The following ZNF714 variants were observed in gnomAD, a reference collection of about 807,000 sequenced individuals.
ZNF714 encodes the protein zinc finger protein 714.
A neutral mutation model predicts 46.2 loss-of-function variants in ZNF714; 32 were observed. That is an observed-to-expected ratio of 0.69 (90% CI 0.52 to 0.93). The LOEUF (loss-of-function observed/expected upper bound fraction) is 0.93, where lower values mean the gene tolerates loss of function less well. Ranked by LOEUF, ZNF714 falls within the 40% of genes least tolerant of loss-of-function variation. The pLI, the probability that ZNF714 is intolerant of heterozygous loss-of-function variation, is 0.00. For synonymous variants in ZNF714, 199 were observed against 213.1 expected, an observed-to-expected ratio of 0.93 and a Z score of 0.58; for missense variants, 635 against 646.3, an observed-to-expected ratio of 0.98 and a Z score of 0.19.
chr19:21,119,927 A>G lies in ZNF714; in HGVS notation c.*1595A>G, dbSNP rs1394951461. The G allele has an allele frequency of 6.6e-6, 1 of 152,228 alleles. No individual in the cohort carries two copies. The highest frequency in any genetic ancestry group is 2.4e-5 in the African/African-American group (1 of 41,464). 9.4% of individuals were successfully genotyped at this position (152,228 alleles called of 1,614,324 possible). A position where few individuals can be genotyped will look rare whatever the true frequency, so the allele number is the denominator to read the frequency against. ...ATATTACAGATTTTTTGAAAAGTGAATAATGATGTCATTCAACTCTGAAAT... is the reference window on the plus strand; with the variant it reads ...ATATTACAGATTTTTTGAAAAGTGAGTAATGATGTCATTCAACTCTGAAAT... On this transcript the variant is annotated 3_prime_UTR_variant, in exon 5 of 5. Transcript: ENST00000456283.
chr19:21,090,871 CCTTTTTTTTTTTTTTTTTTT>C (rs1968892732), intron 2 of ZNF714: 1 of 121,834 alleles, frequency 8.2e-6, no homozygotes, highest in African/African-American at 3.1e-5. Flanking sequence ...TTATGCCTCT[CCTTTTTTTTTTTTTTTTTTT>C]TTTTTTTTTT....
intron 4 of ZNF714, among the ~76,000 whole-genome samples, chr19:21,107,609 A>G (rs1249912949): frequency 7.2e-6 from 1 of 139,644 alleles, no homozygotes; most frequent in African/African-American, 3.4e-5. Flanking sequence ...TTTGTTTCCC[A>G]CTGTAGTTTG....
chr19:21,123,025 A>G lies in ZNF714; in HGVS notation c.*4693A>G, dbSNP rs1235994965. 3 of 151,694 alleles carry G rather than the reference A, an allele frequency of 2.0e-5. No homozygotes were observed. The highest frequency in any genetic ancestry group is 2.9e-5 in the Non-Finnish European group (2 of 67,942). 9.4% of individuals were successfully genotyped at this position (151,694 alleles called of 1,614,324 possible). On this transcript the variant is annotated 3_prime_UTR_variant, in exon 5 of 5. Coordinates refer to ENST00000456283, the MANE Select transcript of ZNF714 (RefSeq NM_182515.4). Reference sequence around the variant, plus strand: ...CAAAATTAGCCACATGTTGTGGCGCATGCCTGTAATCCCAGCTACTCGGGA... The same window carrying G: ...CAAAATTAGCCACATGTTGTGGCGCGTGCCTGTAATCCCAGCTACTCGGGA...
At position 21,117,296 on chromosome 19, in the gene ZNF714, A is replaced by AT; in HGVS notation, c.632_633insT (p.Lys211AsnfsTer10). On this transcript the variant is annotated frameshift_variant, in exon 5 of 5. Transcript: ENST00000456283. LOFTEE classifies it high-confidence loss of function. ...TGTGAAGAATGTGGCAAAGCTTTTA[A>AT]GCACTCCTCAACCCTTACTACACAT... 6.2e-7 allele frequency: 1 copy of AT among 1,613,824 alleles called. No homozygotes were observed. Among genetic ancestry groups the AT allele is most frequent in the Non-Finnish European group, 8.5e-7 (1 of 1,179,880 alleles).
chr19:21,110,620 G>C (rs1457084688), intron 4 of ZNF714, among the ~76,000 whole-genome samples: 1 of 152,122 alleles, frequency 6.6e-6, no homozygotes, highest in Admixed American at 6.6e-5. Context: ...GTTTGCTTTT[G>C]TTGCAATTGC....
intron 4 of ZNF714, among the ~76,000 whole-genome samples, chr19:21,100,950 T>C (rs1019799073): frequency 1.3e-5 from 2 of 152,028 alleles, no homozygotes; most frequent in South Asian, 4.1e-4. Context: ...ACCTCGTGAT[T>C]TGCCCGCCTC....
In ZNF714 at chr19:21,084,186, GA is replaced by G. The variant is rs1353245062; in HGVS notation, c.-85+126del. 42 of 273,076 alleles carry G rather than the reference GA, an allele frequency of 1.5e-4. No homozygotes were observed. In the East Asian group the frequency reaches 1.8e-3, roughly 12 times the overall value. 16.9% of individuals were successfully genotyped at this position (273,076 alleles called of 1,614,324 possible). A position where few individuals can be genotyped will look rare whatever the true frequency, so the allele number is the denominator to read the frequency against. On this transcript the variant is annotated intron_variant, in intron 2 of 4. Transcript: ENST00000456283. ...GTGAAAGAAAAAATAGTGTTAAAAAGAAAAAAAAATTGTGACAGAAAAAATA... is the reference window on the plus strand; with the variant it reads ...GTGAAAGAAAAAATAGTGTTAAAAAGAAAAAAAATTGTGACAGAAAAAATA...
intron 4 of ZNF714, among the ~76,000 whole-genome samples, chr19:21,104,044 C>T (rs1471921854): frequency 2.0e-5 from 3 of 151,924 alleles, no homozygotes; most frequent in African/African-American, 7.3e-5. Context: ...TTGACAAACA[C>T]CGTTCCACTT....
intron 2 of ZNF714, among the ~76,000 whole-genome samples, chr19:21,096,165 G>A (rs1049639755): frequency 2.0e-5 from 3 of 152,070 alleles, no homozygotes; most frequent in Non-Finnish European, 2.9e-5. Context: ...ACCTGTGGAC[G>A]GTAAAAGAGG....
At chr19:21,103,359 C>G (rs1315322081) in intron 4 of ZNF714, among the ~76,000 whole-genome samples, 1 of 151,880 alleles carries the variant, frequency 6.6e-6, no homozygotes, top group Non-Finnish European at 1.5e-5. Context: ...TCCAGACCAG[C>G]CTGGTCAACA....
chr19:21,114,996 C>T (rs925885043), intron 4 of ZNF714, among the ~76,000 whole-genome samples: 1 of 149,342 alleles, frequency 6.7e-6, no homozygotes, highest in Non-Finnish European at 1.5e-5. Flanking sequence ...CTTTTTTATA[C>T]TTATCTTGAT....
At chr19:21,083,435 T>G (rs1294917361) in intron 1 of ZNF714, among the ~76,000 whole-genome samples, 1 of 152,164 alleles carries the variant, frequency 6.6e-6, no homozygotes, top group Non-Finnish European at 1.5e-5. Flanking sequence ...GATTTTCTGG[T>G]GCATTTTTCA....
At chr19:21,106,092 A>C (rs1192011448) in intron 4 of ZNF714, among the ~76,000 whole-genome samples, 1 of 151,652 alleles carries the variant, frequency 6.6e-6, no homozygotes, top group African/African-American at 2.4e-5. Flanking sequence ...CATCTCTACT[A>C]AAAAATACAA....
At chr19:21,096,717 A>T (rs1027873425) in intron 2 of ZNF714, among the ~76,000 whole-genome samples, 3 of 152,258 alleles carry the variant, frequency 2.0e-5, no homozygotes, top group Middle Eastern at 3.4e-3. Context: ...AGATGTGGAT[A>T]CTCAAGATTC....
At chr19:21,109,505 ATAAG>A (rs1033574455) in intron 4 of ZNF714, 2 of 194,490 alleles carry the variant, frequency 1.0e-5, no homozygotes, top group Non-Finnish European at 1.9e-5. Context: ...CATTTTTTAA[ATAAG>A]TAGTTTAATT....
intron 4 of ZNF714, among the ~76,000 whole-genome samples, chr19:21,102,376 AAGGAATTAT>A (rs1211353187): frequency 2.6e-5 from 4 of 152,204 alleles, no homozygotes; most frequent in Non-Finnish European, 5.9e-5. Context: ...TGCAGGTAAA[AAGGAATTAT>A]AGGATTTTCA....
At chr19:21,107,332 CG>C (rs1383704564) in intron 4 of ZNF714, among the ~76,000 whole-genome samples, 2 of 152,044 alleles carry the variant, frequency 1.3e-5, no homozygotes, top group African/African-American at 4.8e-5. Flanking sequence ...CTCCGCCTCC[CG>C]GGTTCAAGCA....
chr19:21,110,139 A>G (rs1969417680), intron 4 of ZNF714, among the ~76,000 whole-genome samples: 1 of 152,196 alleles, frequency 6.6e-6, no homozygotes, highest in South Asian at 2.1e-4. Context: ...GTCCAATAGT[A>G]TATCTGGTTC....
intron 4 of ZNF714, 46 bp downstream of exon 4, chr19:21,098,956 A>G (rs1295847133): frequency 2.6e-5 from 25 of 949,792 alleles, no homozygotes; most frequent in Non-Finnish European, 2.9e-5. Context: ...AGAGGTACAA[A>G]GGTAAAAAAA....
Sources: allele counts gnomAD v4.1 joint callset (sites outside exome capture counted in the v4.1 genomes callset), GRCh38; gene constraint gnomAD v4.1.1; transcripts MANE v1.5; gene names NCBI Gene and HGNC (gene_info 2026-07-23, HGNC 2026-07-21).